The following IFNK variants were observed in gnomAD, a reference collection of about 807,000 sequenced individuals.
The protein encoded by IFNK is IFN-kappa.
A neutral mutation model predicts 12.0 loss-of-function variants in IFNK; 13 were observed. The ratio of observed to expected loss-of-function variants is 1.08; its 90% CI spans 0.70 to 1.72. IFNK has a LOEUF of 1.72. Ranked by LOEUF, IFNK falls within the 40% of genes most tolerant of loss-of-function variation. The pLI is 0.00. For synonymous variants in IFNK, 94 were observed against 82.3 expected (o/e 1.14, Z -0.77); for missense variants, 248 against 237.0 (o/e 1.05, Z -0.30).
rs1820405668 is a variant in IFNK at position 27,524,855 on chromosome 9, G to T, written c.519G>T (p.Leu173=). ...ATTTCCACAGGATAGACAATTTCCT[G>T]AAAGAAAAGAAATACAGTGACTGTG... is the stretch of plus-strand genomic sequence containing the variant. ...RRYFHRIDNF[L]KEKKYSDCAW... Residue 173 remains leucine, a synonymous_variant, in exon 1 of 2, where the codon CTG becomes CTT. Coordinates refer to ENST00000276943, the MANE Select transcript of IFNK (RefSeq NM_020124.3). The T allele has an allele frequency of 6.2e-7, 1 of 1,614,058 alleles. No individual in the cohort carries two copies. The highest frequency in any genetic ancestry group is 1.1e-5 in the South Asian group (1 of 91,074).
Position 27,524,298 on chromosome 9 carries a change from C to T in IFNK, c.-39C>T. On this transcript the variant is annotated 5_prime_UTR_variant, in exon 1 of 2. Coordinates refer to ENST00000276943, the MANE Select transcript of IFNK (RefSeq NM_020124.3). ...GAAGGAAAACTCAAAACATCATTGT[C>T]ATATACACATCTTCTGGATTTTTTA... 6.3e-7 allele frequency: 1 copy of T among 1,586,074 alleles called. No homozygotes were observed. Among genetic ancestry groups the T allele is most frequent in the Non-Finnish European group, 8.6e-7 (1 of 1,166,226 alleles).
In IFNK at chr9:27,526,159, C is replaced by T. The variant is rs533225643; in HGVS notation, c.*154C>T. On this transcript the variant is annotated 3_prime_UTR_variant, in exon 2 of 2. Coordinates refer to ENST00000276943, the MANE Select transcript of IFNK (RefSeq NM_020124.3). Reference sequence around the variant, plus strand: ...AGCATGCTGCCAAACTGTTCAGATTCAAGATTATTCCAAGCGCAGGGCCCA... The same window carrying T: ...AGCATGCTGCCAAACTGTTCAGATTTAAGATTATTCCAAGCGCAGGGCCCA... 3 of 152,298 alleles carry T rather than the reference C, an allele frequency of 2.0e-5. No homozygotes were observed. The highest frequency in any genetic ancestry group is 6.5e-5 in the Admixed American group (1 of 15,302). 9.4% of individuals were successfully genotyped at this position (152,298 alleles called of 1,614,324 possible).
rs773495376 is a variant in IFNK at position 27,524,582 on chromosome 9, C to CCT, written c.246_247insCT (p.Ile83LeufsTer35). On this transcript the variant is annotated frameshift_variant, in exon 1 of 2. Coordinates refer to ENST00000276943, the MANE Select transcript of IFNK (RefSeq NM_020124.3). LOFTEE classifies it high-confidence loss of function. ...AATACACCCAACCTATGAAGAGGGA[C>CCT]ATCAAGAAGGCCTTCTATGAAATGT... The CCT allele has an allele frequency of 1.4e-5, 22 of 1,613,984 alleles. No individual in the cohort carries two copies. The African/African-American group carries it at 2.5e-4, about 19-fold the overall frequency.
rs374342901 is a variant in IFNK at position 27,524,411 on chromosome 9, C to G, written c.75C>G (p.Thr25=). The G allele has an allele frequency of 2.5e-5, 41 of 1,613,862 alleles. No individual in the cohort carries two copies. The highest frequency in any genetic ancestry group is 3.1e-5 in the Non-Finnish European group (36 of 1,179,966). Residue 25 remains threonine, a synonymous_variant, in exon 1 of 2, where the codon ACC becomes ACG. Transcript: ENST00000276943. ...TTATGGGTATATTCATTGCTGGCAC[C>G]CTATCCCTGGACTGTAACTTACTGA... ...EILMGIFIAG[T]LSLDCNLLNV...
Position 27,524,638 on chromosome 9 carries a change from A to T in IFNK, c.302A>T (p.His101Leu). Residue 101 changes from histidine (H) to leucine (L), a missense_variant, in exon 1 of 2, where the codon CAC becomes CTC. His to Leu is a moderately conservative substitution (Grantham distance 99). Transcript: ENST00000276943. ...CAGGCCTTCAACATCTTCAGCCAAC[A>T]CACCTTCAAATATTGGAAAGAGAGA... ...SLQAFNIFSQHTFKYWKERHL... is the reference protein window; with the variant it reads ...SLQAFNIFSQLTFKYWKERHL... The T allele has an allele frequency of 6.2e-7, 1 of 1,614,080 alleles. No individual in the cohort carries two copies. Among genetic ancestry groups the T allele is most frequent in the African/African-American group, 1.3e-5 (1 of 75,024 alleles).
chr9:27,526,130 T>C lies in IFNK; in HGVS notation c.*125T>C, dbSNP rs1249320345. The C allele has an allele frequency of 6.6e-6, 1 of 152,242 alleles. No homozygotes were observed. The highest frequency in any genetic ancestry group is 2.4e-5 in the African/African-American group (1 of 41,462). 9.4% of individuals were successfully genotyped at this position (152,242 alleles called of 1,614,324 possible). ...GGAAGCCATTTCCTGCTCATGCCAC[T>C]AACAGCATGCTGCCAAACTGTTCAG... On this transcript the variant is annotated 3_prime_UTR_variant, in exon 2 of 2. Coordinates refer to ENST00000276943, the MANE Select transcript of IFNK (RefSeq NM_020124.3).
rs1036584180 is a variant in IFNK, at chr9:27,524,393, T to C, written c.57T>C (p.Gly19=). ...QKCLWLEILM[G]IFIAGTLSLD... is the part of the protein sequence containing the mutation. ...GTTTGTGGCTTGAGATCCTTATGGG[T>C]ATATTCATTGCTGGCACCCTATCCC... The change falls in exon 1 of 2, where the codon GGT becomes GGC. Residue 19 remains glycine (G), a synonymous_variant. Transcript: ENST00000276943. The C allele has an allele frequency of 6.2e-6, 10 of 1,613,606 alleles. No individual in the cohort carries two copies. The highest frequency in any genetic ancestry group is 8.5e-6 in the Non-Finnish European group (10 of 1,179,766).
rs200047046 is a variant in IFNK at position 27,524,425 on chromosome 9, G to A, written c.89G>A (p.Cys30Tyr). 2 of 1,614,100 alleles carry A rather than the reference G, an allele frequency of 1.2e-6. No individual in the cohort carries two copies. The highest frequency in any genetic ancestry group is 1.7e-6 in the Non-Finnish European group (2 of 1,179,984). ...IFIAGTLSLD[C>Y]NLLNVHLRRV... Reference sequence around the variant, plus strand: ...ATTGCTGGCACCCTATCCCTGGACTGTAACTTACTGAACGTTCACCTGAGA... The same window carrying A: ...ATTGCTGGCACCCTATCCCTGGACTATAACTTACTGAACGTTCACCTGAGA... Residue 30 changes from cysteine to tyrosine, a missense_variant, in exon 1 of 2, where the codon TGT becomes TAT. By Grantham distance (194) the Cys-to-Tyr change is radical (BLOSUM62 -2). Transcript: ENST00000276943.
At chr9:27,525,266 C>A (rs1389740851) in intron 1 of IFNK, among the ~76,000 whole-genome samples, 1 of 152,076 alleles carries the variant, frequency 6.6e-6, no homozygotes, top group African/African-American at 2.4e-5. Flanking sequence ...CTATATATAC[C>A]ACCTGTGGAC....
At position 27,526,291 on chromosome 9, in the gene IFNK, T is replaced by C. The variant is rs1341357279; in HGVS notation, c.*286T>C. On this transcript the variant is annotated 3_prime_UTR_variant, in exon 2 of 2. Coordinates refer to ENST00000276943, the MANE Select transcript of IFNK (RefSeq NM_020124.3). ...AGAACAAATTGTGGATCATGGTATA[T>C]GCAGGCTATCAGCAGAAGGATCAGA... is the stretch of plus-strand genomic sequence containing the variant. The C allele has an allele frequency of 6.6e-6, 1 of 152,216 alleles. No homozygotes were observed. The highest frequency in any genetic ancestry group is 2.4e-5 in the African/African-American group (1 of 41,438). The allele number at this position is 152,216 out of a possible 1,614,324, so 9.4% of individuals were successfully genotyped here.
rs948358924 is a variant in IFNK, at chr9:27,524,355, A to G, written c.19A>G (p.Met7Val). MSTKPD[M>V]IQKCLWLEIL... ...AAAAAAAATGAGCACCAAACCTGAT[A>G]TGATTCAAAAGTGTTTGTGGCTTGA... is the stretch of plus-strand genomic sequence containing the variant. The change falls in exon 1 of 2, where the codon ATG becomes GTG. Residue 7 changes from methionine (M) to valine (V), a missense_variant. Transcript: ENST00000276943. 6.2e-6 allele frequency: 10 copies of G among 1,612,522 alleles called. No individual in the cohort carries two copies. The highest frequency in any genetic ancestry group is 8.5e-6 in the Non-Finnish European group (10 of 1,179,180).
Position 27,524,798 on chromosome 9 carries a change from C to T in IFNK, c.462C>T (p.Val154=), listed in dbSNP as rs760676411. Residue 154 remains valine (V), a synonymous_variant, in exon 1 of 2, where the codon GTC becomes GTT. Coordinates refer to ENST00000276943, the MANE Select transcript of IFNK (RefSeq NM_020124.3). The stretch of plus-strand genomic sequence containing the variant: ...AGATGAAACCCTCAGAAGCCAGGGT[C>T]CCCCAGCTGAGCAGCCTGGAACTGA... ...ENEMKPSEAR[V]PQLSSLELRR... is the part of the protein sequence containing the mutation. The T allele has an allele frequency of 1.6e-5, 26 of 1,613,964 alleles. 1 individual carries two copies. In the South Asian group the frequency reaches 2.5e-4, roughly 16 times the overall value.
chr9:27,525,003 CTT>C (rs767689189), intron 1 of IFNK, 42 bp downstream of exon 1: 39 of 1,452,710 alleles, frequency 2.7e-5, no homozygotes, highest in Non-Finnish European at 3.2e-5. Flanking sequence ...TCCGAAATCT[CTT>C]TCTCCTTCTC....
chr9:27,524,895 C>T lies in IFNK; in HGVS notation c.559C>T (p.Arg187Ter), dbSNP rs529693498. Residue 187 changes from arginine to a stop codon, truncating the protein, a stop_gained, in exon 1 of 2, where the codon CGA (arginine) becomes TGA (stop). Transcript: ENST00000276943. LOFTEE classifies it low-confidence loss of function (END_TRUNC). ...KYSDCAWEIV[R>*]VEIRRCLYYF... Reference sequence around the variant, plus strand: ...CAGTGACTGTGCCTGGGAGATTGTCCGAGTGGAAATCAGAAGATGTTTGTA... The same window carrying T: ...CAGTGACTGTGCCTGGGAGATTGTCTGAGTGGAAATCAGAAGATGTTTGTA... 4.5e-5 allele frequency: 73 copies of T among 1,612,160 alleles called. No individual in the cohort carries two copies. The South Asian group carries it at 6.2e-4, about 14-fold the overall frequency.
In IFNK at chr9:27,524,529, GC is replaced by G. The variant is rs1314437306; in HGVS notation, c.194del (p.Ala65ValfsTer15). The G allele has an allele frequency of 6.2e-7, 1 of 1,614,076 alleles. No homozygotes were observed. The highest frequency in any genetic ancestry group is 1.7e-5 in the Admixed American group (1 of 60,010). On this transcript the variant is annotated frameshift_variant, in exon 1 of 2. Coordinates refer to ENST00000276943, the MANE Select transcript of IFNK (RefSeq NM_020124.3). LOFTEE classifies it high-confidence loss of function. ...TGTAGAATGTCTACGAGAAAACATA[GC>G]TTTTGAGTTGCCCCAAGAGTTTCTG... The part of the protein sequence containing the change: ...FPVECLRENI[A>X]FELPQEFLQY...
chr9:27,525,505 GA>G (rs551970048), intron 1 of IFNK, among the ~76,000 whole-genome samples: 180 of 152,262 alleles, frequency 1.2e-3, no homozygotes, highest in African/African-American at 4.1e-3. Flanking sequence ...TGGTTTGTTT[GA>G]ATTGATGCTT....
chr9:27,526,263 A>G lies in IFNK; in HGVS notation c.*258A>G, dbSNP rs1284765761. The stretch of plus-strand genomic sequence containing the variant: ...GAAGTTAGAAGAGATGTTTAAAAGA[A>G]CAAGAACAAATTGTGGATCATGGTA... On this transcript the variant is annotated 3_prime_UTR_variant, in exon 2 of 2. Coordinates refer to ENST00000276943, the MANE Select transcript of IFNK (RefSeq NM_020124.3). 1 of 152,236 alleles carries G rather than the reference A, an allele frequency of 6.6e-6. No homozygotes were observed. The highest frequency in any genetic ancestry group is 2.4e-5 in the African/African-American group (1 of 41,456). 9.4% of individuals were successfully genotyped at this position (152,236 alleles called of 1,614,324 possible).
chr9:27,524,362 A>G lies in IFNK; in HGVS notation c.26A>G (p.Gln9Arg). MSTKPDMI[Q>R]KCLWLEILMG... The stretch of plus-strand genomic sequence containing the variant: ...ATGAGCACCAAACCTGATATGATTC[A>G]AAAGTGTTTGTGGCTTGAGATCCTT... Residue 9 changes from glutamine (Q) to arginine (R), a missense_variant, in exon 1 of 2, where the codon CAA becomes CGA. Coordinates refer to ENST00000276943, the MANE Select transcript of IFNK (RefSeq NM_020124.3). The G allele has an allele frequency of 6.2e-7, 1 of 1,612,632 alleles. No homozygotes were observed. Among genetic ancestry groups the G allele is most frequent in the Non-Finnish European group, 8.5e-7 (1 of 1,179,398 alleles).
Position 27,524,354 on chromosome 9 carries a change from T to A in IFNK, c.18T>A (p.Asp6Glu), listed in dbSNP as rs149731845. The A allele has an allele frequency of 1.4e-5, 23 of 1,612,408 alleles. No homozygotes were observed. The highest frequency in any genetic ancestry group is 1.6e-4 in the Middle Eastern group (1 of 6,080). The change falls in exon 1 of 2, where the codon GAT becomes GAA. Residue 6 changes from aspartate to glutamate, a missense_variant. By Grantham distance (45) the Asp-to-Glu change is conservative. Transcript: ENST00000276943. ...CAAAAAAAATGAGCACCAAACCTGA[T>A]ATGATTCAAAAGTGTTTGTGGCTTG... MSTKP[D>E]MIQKCLWLEI... is the part of the protein sequence containing the mutation.
Sources: allele counts gnomAD v4.1 joint callset (sites outside exome capture counted in the v4.1 genomes callset), GRCh38; gene constraint gnomAD v4.1.1; transcripts MANE v1.5; gene names NCBI Gene and HGNC (gene_info 2026-07-23, HGNC 2026-07-21).